SLC25A33: variants seen among roughly 807,000 people sequenced by gnomAD.
SLC25A33 encodes solute carrier family 25 member 33.
SLC25A33 carries 15 observed loss-of-function variants against 35.5 expected under a neutral mutation model. The observed-to-expected ratio is 0.42, with a 90% CI of 0.28 to 0.65. The LOEUF (loss-of-function observed/expected upper bound fraction) is 0.65, where lower values mean the gene tolerates loss of function less well. Ranked by LOEUF, SLC25A33 falls within the 30% of genes least tolerant of loss-of-function variation. The probability of loss-of-function intolerance (pLI) is 0.20; values close to 1 mark genes in which losing one functional copy is unlikely to be tolerated. For synonymous variants in SLC25A33, 136 were observed against 148.7 expected (o/e 0.91, Z 0.62); for missense variants, 257 against 398.5 (o/e 0.64, Z 3.02).
intron 1 of SLC25A33, among the ~76,000 whole-genome samples, chr1:9,542,183 A>G (rs1482966448): frequency 6.6e-6 from 1 of 152,054 alleles, no homozygotes; most frequent in Admixed American, 6.6e-5. Context: ...TCACTGTGAG[A>G]TGGATGGCCC....
In SLC25A33 at chr1:9,583,901, A is replaced by T. The variant is rs1358716660; in HGVS notation, c.*1400A>T. 2.0e-5 allele frequency: 3 copies of T among 151,414 alleles called. No homozygotes were observed. Among genetic ancestry groups the T allele is most frequent in the Admixed American group, 1.3e-4 (2 of 15,132 alleles). 9.4% of individuals were successfully genotyped at this position (151,414 alleles called of 1,614,324 possible). On this transcript the variant is annotated 3_prime_UTR_variant, in exon 7 of 7. Coordinates refer to ENST00000302692, the MANE Select transcript of SLC25A33 (RefSeq NM_032315.3). Reference sequence around the variant, plus strand: ...TCCCAGCTACTCGGGAGGCTGAGGCAGGAGAATGGCGTGAACCTGGGAGGC... The same window carrying T: ...TCCCAGCTACTCGGGAGGCTGAGGCTGGAGAATGGCGTGAACCTGGGAGGC...
intron 5 of SLC25A33, 36 bp from the exon 6 acceptor site, chr1:9,579,918 T>C (rs1643714444): frequency 1.3e-6 from 2 of 1,587,258 alleles, no homozygotes; most frequent in East Asian, 2.2e-5. Flanking sequence ...CCATGATATG[T>C]CTCCTTAACA....
intron 1 of SLC25A33, among the ~76,000 whole-genome samples, chr1:9,545,947 A>C (rs889118397): frequency 7.3e-5 from 11 of 151,216 alleles, no homozygotes; most frequent in African/African-American, 2.7e-4. Context: ...TGGGCAACAG[A>C]GCGAGACTCC....
At chr1:9,576,356 C>T (rs556949589) in intron 5 of SLC25A33, 4 of 352,710 alleles carry the variant, frequency 1.1e-5, no homozygotes, top group East Asian at 1.5e-4. Flanking sequence ...TTGGGAGGGC[C>T]TTCAGAGGCA....
At chr1:9,550,231 T>TAA (rs537669811) in intron 1 of SLC25A33, among the ~76,000 whole-genome samples, 9 of 133,584 alleles carry the variant, frequency 6.7e-5, no homozygotes, top group South Asian at 2.4e-4. Flanking sequence ...CTTCTCTCTT[T>TAA]AAAAAAAAAA....
chr1:9,577,065 A>G lies in SLC25A33; in HGVS notation c.483-2889A>G, dbSNP rs902676422. ...ATTGGTGATATTTAAATGATGCCAT[A>G]AAAGACATTGATTTGGGAAGAAAAG... On this transcript the variant is annotated intron_variant, in intron 5 of 6. Transcript: ENST00000302692. The G allele has an allele frequency of 9.0e-5, 57 of 635,602 alleles. No individual in the cohort carries two copies. In the Admixed American group the frequency reaches 1.5e-3, roughly 17 times the overall value. The allele number at this position is 635,602 out of a possible 1,614,324, so 39.4% of individuals were successfully genotyped here.
chr1:9,564,113 G>A (rs1643464905), intron 2 of SLC25A33, among the ~76,000 whole-genome samples: 1 of 152,130 alleles, frequency 6.6e-6, no homozygotes, highest in Admixed American at 6.5e-5. Context: ...AATTCTACTG[G>A]ATACCATGGA....
At chr1:9,565,535 A>G (rs921786463) in intron 2 of SLC25A33, among the ~76,000 whole-genome samples, 1 of 151,168 alleles carries the variant, frequency 6.6e-6, no homozygotes, top group African/African-American at 2.4e-5. Context: ...AAAGGTTACA[A>G]TGGTAGATTT....
rs75167466 is a variant in SLC25A33, at chr1:9,571,179, T to C, written c.415+821T>C. 6.8e-3 allele frequency among the ~76,000 whole-genome samples: 1,031 copies of C among 152,318 alleles called. 10 individuals carry two copies. The highest frequency in any genetic ancestry group is 0.024 in the African/African-American group (988 of 41,564). On this transcript the variant is annotated intron_variant, in intron 4 of 6. Transcript: ENST00000302692. ...AGGGTCAGTGACAGCTCATAGGGCA[T>C]CTGTTCTCTTTTGAGGGAACCATTC...
rs764517895 is a variant in SLC25A33 at position 9,582,536 on chromosome 1, T to C, written c.*35T>C. On this transcript the variant is annotated 3_prime_UTR_variant, in exon 7 of 7. Transcript: ENST00000302692. This position sits in a 1 kb window ranked among gnomAD's most constrained non-coding sequence, Gnocchi z 4.0. ...AAATTGTGCTCTAGAAGAATAAAAC[T>C]GAAAAACTCTAGAGAATTTTTTTTC... is the stretch of plus-strand genomic sequence containing the variant. 9 of 1,558,248 alleles carry C rather than the reference T, an allele frequency of 5.8e-6. No individual in the cohort carries two copies. The highest frequency in any genetic ancestry group is 1.7e-4 in the Middle Eastern group (1 of 5,928).
chr1:9,575,065 A>T (rs942059275), intron 5 of SLC25A33, among the ~76,000 whole-genome samples: 2 of 151,370 alleles, frequency 1.3e-5, no homozygotes, highest in Non-Finnish European at 2.9e-5. Flanking sequence ...TACAAAAAAT[A>T]AGCCGGGCGT....
chr1:9,547,013 C>T (rs1427281821), intron 1 of SLC25A33, among the ~76,000 whole-genome samples: 1 of 152,182 alleles, frequency 6.6e-6, no homozygotes, highest in Non-Finnish European at 1.5e-5. Flanking sequence ...AGTCATTGCT[C>T]CCAGGGAAAT....
At chr1:9,567,497 A>C in intron 3 of SLC25A33, 136 bp downstream of exon 3, 1 of 695,696 alleles carries the variant, frequency 1.4e-6, no homozygotes, top group South Asian at 2.0e-5. Flanking sequence ...GGACATAGCA[A>C]ATAGTCATTG....
At chr1:9,581,261 G>A (rs763908577) in intron 6 of SLC25A33, among the ~76,000 whole-genome samples, 14 of 152,190 alleles carry the variant, frequency 9.2e-5, no homozygotes, top group Non-Finnish European at 1.6e-4. Context: ...GGCTGGCAAA[G>A]GAGAGGGTGG....
chr1:9,579,049 T>C lies in SLC25A33; in HGVS notation c.483-905T>C, dbSNP rs61782987. Reference sequence around the variant, plus strand: ...CTGTGGGCCTGTCAGGTGTGCCAGCTACTTGGTCTGGCCTCACAGTGGGCT... The same window carrying C: ...CTGTGGGCCTGTCAGGTGTGCCAGCCACTTGGTCTGGCCTCACAGTGGGCT... On this transcript the variant is annotated intron_variant, in intron 5 of 6. Coordinates refer to ENST00000302692, the MANE Select transcript of SLC25A33 (RefSeq NM_032315.3). 9.3e-3 allele frequency among the ~76,000 whole-genome samples: 1,420 copies of C among 152,354 alleles called. 27 individuals are homozygous for C. Among genetic ancestry groups the C allele is most frequent in the South Asian group, 0.06 (288 of 4,830 alleles).
intron 2 of SLC25A33, among the ~76,000 whole-genome samples, chr1:9,567,027 CAAAAA>C (rs912528937): frequency 1.3e-5 from 2 of 149,628 alleles, no homozygotes; most frequent in African/African-American, 2.5e-5. Context: ...GACTCCATCT[CAAAAA>C]GAAAAAAAAA....
chr1:9,539,844 C>T (rs1643049319), intron 1 of SLC25A33, 97 bp downstream of exon 1: 2 of 1,126,680 alleles, frequency 1.8e-6, no homozygotes, highest in East Asian at 3.6e-5. Context: ...GGTTACCGGC[C>T]TTCCCCGGGC....
rs546544167 is a variant in SLC25A33 at position 9,578,024 on chromosome 1, G to A, written c.483-1930G>A. Among the ~76,000 whole-genome samples, 4 of 152,252 alleles carry A rather than the reference G, an allele frequency of 2.6e-5. No individual in the cohort carries two copies. The East Asian group carries it at 5.8e-4, about 22-fold the overall frequency. Reference sequence around the variant, plus strand: ...TGCGAGCTCCGCCTCCCGGGTGCACGCCATTCTCCTGCCTCAGCCTCCCGA... The same window carrying A: ...TGCGAGCTCCGCCTCCCGGGTGCACACCATTCTCCTGCCTCAGCCTCCCGA... On this transcript the variant is annotated intron_variant, in intron 5 of 6. Coordinates refer to ENST00000302692, the MANE Select transcript of SLC25A33 (RefSeq NM_032315.3). This position sits in a 1 kb window ranked among gnomAD's most constrained non-coding sequence, Gnocchi z 4.3.
chr1:9,555,591 A>G (rs528358392), intron 2 of SLC25A33, among the ~76,000 whole-genome samples: 34 of 152,324 alleles, frequency 2.2e-4, no homozygotes, highest in African/African-American at 7.5e-4. Flanking sequence ...CAGCAAGACC[A>G]GATGCCAGGG....
Sources: gnomAD v4.1 joint callset for allele counts (sites outside exome capture counted in the v4.1 genomes callset) on GRCh38, gnomAD v4.1.1 for gene constraint, Gnocchi (gnomAD v3.1) non-coding constraint, MANE v1.5 for transcripts, NCBI Gene and HGNC (gene_info 2026-07-23, HGNC 2026-07-21) for gene names.